The following ASB8 variants were observed in gnomAD, a reference collection of about 807,000 sequenced individuals.
The protein encoded by ASB8 is ankyrin repeat and SOCS box protein 8.
A neutral mutation model predicts 22.9 loss-of-function variants in ASB8; 15 were observed. The observed-to-expected ratio is 0.66, with a 90% CI of 0.44 to 1.01. The LOEUF (loss-of-function observed/expected upper bound fraction) is 1.01. Among genes scored for constraint, ASB8 ranks in the 50% least tolerant of loss-of-function variants. The pLI, the probability that ASB8 is intolerant of heterozygous loss-of-function variation, is 0.00. For synonymous variants in ASB8, 124 were observed against 140.8 expected (o/e 0.88, Z 0.84); for missense variants, 294 against 356.9 (o/e 0.82, Z 1.42).
At chr12:48,153,154 C>A in intron 2 of ASB8, 1 of 529,186 alleles carries the variant, frequency 1.9e-6, no homozygotes. Context: ...GAACATATTC[C>A]ATGAAGAAAA....
chr12:48,154,170 G>A (rs1188545887), intron 1 of ASB8, among the ~76,000 whole-genome samples: 1 of 152,154 alleles, frequency 6.6e-6, no homozygotes, highest in East Asian at 1.9e-4. Flanking sequence ...TTTCAAATGT[G>A]TTCAGAAGAG....
intron 3 of ASB8, 198 bp downstream of exon 3, chr12:48,151,003 G>A (rs562528707): frequency 8.2e-6 from 5 of 612,430 alleles, no homozygotes; most frequent in South Asian, 7.9e-5. Context: ...GGACAGAAAG[G>A]TAAAAGAATG....
chr12:48,150,695 C>CAA (rs113485834), intron 3 of ASB8, among the ~76,000 whole-genome samples: 1 of 149,868 alleles, frequency 6.7e-6, no homozygotes, highest in African/African-American at 2.4e-5. Flanking sequence ...AAGACAAAAA[C>CAA]AAAAAAAAAC....
At chr12:48,150,989 G>T in intron 3 of ASB8, 1 of 606,484 alleles carries the variant, frequency 1.6e-6, no homozygotes, top group South Asian at 2.0e-5. Context: ...GGCAAGCAGG[G>T]TGGGGACAGA....
intron 1 of ASB8, among the ~76,000 whole-genome samples, chr12:48,156,871 AG>A (rs1421088323): frequency 1.3e-5 from 2 of 151,422 alleles, no homozygotes; most frequent in Non-Finnish European, 2.9e-5. Context: ...AGCCCGTGTA[AG>A]GTTTGATCCC....
chr12:48,148,260 C>A lies in ASB8; in HGVS notation c.*1106G>T, dbSNP rs931485128. 1 of 152,248 alleles carries A rather than the reference C, an allele frequency of 6.6e-6. No homozygotes were observed. Among genetic ancestry groups the A allele is most frequent in the African/African-American group, 2.4e-5 (1 of 41,468 alleles). The allele number at this position is 152,248 out of a possible 1,614,324, so 9.4% of individuals were successfully genotyped here. A position where few individuals can be genotyped will look rare whatever the true frequency, so the allele number is the denominator to read the frequency against. The stretch of plus-strand genomic sequence containing the variant: ...AACTCCTCCCTGCTGGAACACACAC[C>A]GTAGGTGTAGGAACTGCCTGGGAAT... On this transcript the variant is annotated 3_prime_UTR_variant, in exon 4 of 4. Transcript: ENST00000317697.
intron 1 of ASB8, 197 bp from the exon 2 acceptor site, chr12:48,153,726 A>T (rs1951241024): frequency 8.3e-6 from 3 of 363,448 alleles, no homozygotes; most frequent in Non-Finnish European, 1.0e-5. Context: ...TTCTACTCTA[A>T]CCTAGTCTAG....
At chr12:48,156,462 T>C (rs1028417161) in intron 1 of ASB8, among the ~76,000 whole-genome samples, 1 of 152,018 alleles carries the variant, frequency 6.6e-6, no homozygotes, top group Non-Finnish European at 1.5e-5. Context: ...ACAGAGCATC[T>C]AAAGCAGGAG....
chr12:48,156,304 G>A (rs929410962), intron 1 of ASB8, among the ~76,000 whole-genome samples: 1 of 152,066 alleles, frequency 6.6e-6, no homozygotes, highest in Non-Finnish European at 1.5e-5. Flanking sequence ...ACATTTTCTA[G>A]ATAGTTTAGA....
intron 1 of ASB8, among the ~76,000 whole-genome samples, chr12:48,155,427 T>C (rs899215044): frequency 5.3e-5 from 8 of 152,082 alleles, no homozygotes; most frequent in African/African-American, 1.9e-4. Flanking sequence ...CATTTAATAA[T>C]ATATAATGTT....
intron 1 of ASB8, among the ~76,000 whole-genome samples, chr12:48,154,247 G>A (rs566490363): frequency 2.0e-5 from 3 of 152,080 alleles, no homozygotes; most frequent in Non-Finnish European, 4.4e-5. Context: ...TTGGGAGGCC[G>A]AGATGGGTGG....
intron 1 of ASB8, 26 bp from the exon 2 acceptor site, chr12:48,153,555 T>A (rs1951238714): frequency 6.3e-7 from 1 of 1,583,526 alleles, no homozygotes; most frequent in Non-Finnish European, 8.6e-7. Context: ...TTTCGGCATA[T>A]ACAATATCAC....
intron 1 of ASB8, among the ~76,000 whole-genome samples, chr12:48,155,742 A>AAAATAT (rs371161682): frequency 7.0e-5 from 8 of 114,952 alleles, no homozygotes; most frequent in African/African-American, 2.0e-4. Context: ...AAAAAAAAAA[A>AAAATAT]ATATATATAT....
chr12:48,154,535 G>A (rs903186106), intron 1 of ASB8, among the ~76,000 whole-genome samples: 6 of 148,310 alleles, frequency 4.0e-5, no homozygotes, highest in Non-Finnish European at 8.9e-5. Context: ...AAATAGGTAA[G>A]GAAAGCAAAA....
At position 48,149,664 on chromosome 12, in the gene ASB8, C is replaced by T. The variant is rs140837255; in HGVS notation, c.569G>A (p.Arg190His). 6.8e-5 allele frequency: 109 copies of T among 1,613,982 alleles called. No individual in the cohort carries two copies. Among genetic ancestry groups the T allele is most frequent in the Non-Finnish European group, 8.5e-5 (100 of 1,180,010 alleles). Residue 190 changes from arginine to histidine, a missense_variant, in exon 4 of 4, where the codon CGC becomes CAC. Physicochemically the swap from Arg to His is conservative, Grantham distance 29. Coordinates refer to ENST00000317697, the MANE Select transcript of ASB8 (RefSeq NM_024095.5). Reference protein sequence around the residue: ...INLIGQTPISRLVALLVRGLG... With the variant: ...INLIGQTPISHLVALLVRGLG... ...TCCCCTGACTAGCAGAGCCACCAGGCGGGAGATGGGTGTCTGGCCTATTAG... is the reference window on the plus strand; with the variant it reads ...TCCCCTGACTAGCAGAGCCACCAGGTGGGAGATGGGTGTCTGGCCTATTAG...
In ASB8 at chr12:48,149,817, T is replaced by C. The variant is rs1334443164; in HGVS notation, c.416A>G (p.Glu139Gly). 6.2e-7 allele frequency: 1 copy of C among 1,614,022 alleles called. No individual in the cohort carries two copies. The highest frequency in any genetic ancestry group is 8.5e-7 in the Non-Finnish European group (1 of 1,180,004). The part of the protein sequence containing the change: ...NNAECVRALL[E>G]SGASVNALDY... ...CAGGGCATTGACAGAGGCCCCGCTC[T>C]CTAGGAGAGCCCGCACACACTCAGC... The change falls in exon 4 of 4, where the codon GAG (glutamate) becomes GGG (glycine). Residue 139 changes from glutamate to glycine, a missense_variant. Coordinates refer to ENST00000317697, the MANE Select transcript of ASB8 (RefSeq NM_024095.5).
intron 2 of ASB8, among the ~76,000 whole-genome samples, chr12:48,151,847 C>T (rs10875750): frequency 0.17 from 25,309 of 152,144 alleles, 2,450 homozygotes; most frequent in East Asian, 0.24. Context: ...TTTGCTGGTG[C>T]TTCTATTCAA....
Position 48,149,676 on chromosome 12 carries a change from G to A in ASB8, c.557C>T (p.Thr186Ile). The change falls in exon 4 of 4, where the codon ACA (threonine) becomes ATA (isoleucine). Residue 186 changes from threonine (T) to isoleucine (I), a missense_variant. Transcript: ENST00000317697. ...CAGAGCCACCAGGCGGGAGATGGGT[G>A]TCTGGCCTATTAGGTTGATGACTCT... ...EVRVINLIGQ[T>I]PISRLVALLV... is the part of the protein sequence containing the mutation. 2.5e-6 allele frequency: 4 copies of A among 1,614,096 alleles called. No individual in the cohort carries two copies. Among genetic ancestry groups the A allele is most frequent in the Middle Eastern group, 1.6e-4 (1 of 6,062 alleles).
chr12:48,154,646 A>G (rs1565929998), intron 1 of ASB8, among the ~76,000 whole-genome samples: 1 of 151,660 alleles, frequency 6.6e-6, no homozygotes, highest in East Asian at 2.0e-4. Context: ...AGATTTTAAA[A>G]TGAGTTAAAG....
Sources: allele counts gnomAD v4.1 joint callset (sites outside exome capture counted in the v4.1 genomes callset), GRCh38; gene constraint gnomAD v4.1.1; transcripts MANE v1.5; gene names NCBI Gene and HGNC (gene_info 2026-07-23, HGNC 2026-07-21).